SH3RF3: variants seen among roughly 807,000 people sequenced by gnomAD.
The protein encoded by SH3RF3 is SH3 domain containing ring finger 3.
SH3RF3 carries 29 observed loss-of-function variants against 66.3 expected under a neutral mutation model. The ratio of observed to expected loss-of-function variants is 0.44; its 90% confidence interval spans 0.33 to 0.60. The LOEUF (loss-of-function observed/expected upper bound fraction) is 0.60. SH3RF3 is among the 20% of genes least tolerant of loss of function. SH3RF3 has a pLI of 0.04. For missense variants in SH3RF3, 1,194 were observed against 1,190.9 expected, an observed-to-expected ratio of 1.00 and a Z score of -0.04; for synonymous variants, 583 against 532.0, an observed-to-expected ratio of 1.10 and a Z score of -1.32.
chr2:109,491,624 C>G (rs555577383), intron 9 of SH3RF3, among the ~76,000 whole-genome samples: 19 of 152,272 alleles, frequency 1.2e-4, no homozygotes, highest in African/African-American at 4.6e-4. Flanking sequence ...GGGCTAGAGG[C>G]GTACCTGGCT....
intron 1 of SH3RF3, among the ~76,000 whole-genome samples, chr2:109,289,624 G>T (rs532827460): frequency 3.3e-5 from 5 of 152,312 alleles, no homozygotes; most frequent in African/African-American, 1.2e-4. Flanking sequence ...GAGACATCAC[G>T]TGGAAAGCTA....
chr2:109,155,574 T>C (rs1486705227), intron 1 of SH3RF3, among the ~76,000 whole-genome samples: 1 of 152,206 alleles, frequency 6.6e-6, no homozygotes, highest in African/African-American at 2.4e-5. Flanking sequence ...GTGCTGGGAT[T>C]ACAGGCCTGA....
chr2:109,454,270 A>G (rs543330874), intron 8 of SH3RF3, among the ~76,000 whole-genome samples: 2 of 152,304 alleles, frequency 1.3e-5, no homozygotes, highest in African/African-American at 2.4e-5. Context: ...TTTGTCTACT[A>G]TCCAATCTGT....
At chr2:109,384,941 C>A (rs763038361) in intron 3 of SH3RF3, among the ~76,000 whole-genome samples, 1 of 152,216 alleles carries the variant, frequency 6.6e-6, no homozygotes, top group Non-Finnish European at 1.5e-5. Context: ...TGCTTAAAGC[C>A]ACCAGTGGGG....
At chr2:109,161,244 A>T (rs1345581079) in intron 1 of SH3RF3, among the ~76,000 whole-genome samples, 2 of 152,188 alleles carry the variant, frequency 1.3e-5, no homozygotes, top group South Asian at 4.1e-4. Context: ...TAAGTCAGGC[A>T]CGAGTATGCA....
chr2:109,227,624 G>T (rs1385952515), intron 1 of SH3RF3, among the ~76,000 whole-genome samples: 1 of 152,176 alleles, frequency 6.6e-6, no homozygotes, highest in Non-Finnish European at 1.5e-5. Context: ...CCTGGATCTG[G>T]CCTGGCCATG....
chr2:109,206,090 C>T (rs904882035), intron 1 of SH3RF3, among the ~76,000 whole-genome samples: 1 of 152,110 alleles, frequency 6.6e-6, no homozygotes, highest in African/African-American at 2.4e-5. Context: ...ATGACCTGCA[C>T]GTGAATGGAT....
intron 1 of SH3RF3, among the ~76,000 whole-genome samples, chr2:109,198,026 T>C (rs1425690259): frequency 6.6e-6 from 1 of 152,090 alleles, no homozygotes; most frequent in East Asian, 1.9e-4. Flanking sequence ...AGCGGCAGGT[T>C]TCCAGCAGAG....
chr2:109,129,994 G>T lies in SH3RF3; in HGVS notation c.454G>T (p.Gly152Cys). 1 of 1,294,294 alleles carries T rather than the reference G, an allele frequency of 7.7e-7. No individual in the cohort carries two copies. Among genetic ancestry groups the T allele is most frequent in the South Asian group, 2.4e-5 (1 of 41,236 alleles). 80.2% of individuals were successfully genotyped at this position (1,294,294 alleles called of 1,614,324 possible). ...GAGTGCGGCCCCCACGCTCGCGGGC[G>T]GCGGGGGCGGCGCGGCAGGCAGCAC... is the stretch of plus-strand genomic sequence containing the variant. ...GQSAAPTLAG[G>C]GGGAAGSTPG... The change falls in exon 1 of 10, where the codon GGC becomes TGC. Residue 152 changes from glycine (G) to cysteine (C), a missense_variant. Physicochemically the swap from Gly to Cys is radical, Grantham distance 159 (BLOSUM62 -3). Transcript: ENST00000309415.
At chr2:109,150,263 C>T (rs1303130127) in intron 1 of SH3RF3, among the ~76,000 whole-genome samples, 2 of 151,878 alleles carry the variant, frequency 1.3e-5, no homozygotes, top group Non-Finnish European at 2.9e-5. Flanking sequence ...AGCATGGAAG[C>T]CTAGGGTCCT....
intron 6 of SH3RF3, among the ~76,000 whole-genome samples, chr2:109,434,545 C>G (rs891272360): frequency 6.6e-6 from 1 of 152,254 alleles, no homozygotes; most frequent in Non-Finnish European, 1.5e-5. Flanking sequence ...CCCACCCCCA[C>G]AACACTGGAC....
Position 109,129,352 on chromosome 2 carries a change from TCCCC to T in SH3RF3, c.-188_-185del, listed in dbSNP as rs1558914716. 1.6e-5 allele frequency: 14 copies of T among 871,124 alleles called. No individual in the cohort carries two copies. In the African/African-American group the frequency reaches 1.9e-4, roughly 12 times the overall value. The allele number at this position is 871,124 out of a possible 1,614,324, so 54.0% of individuals were successfully genotyped here. ...GGCCGGTCCCCGCCACGCAGGCCGG[TCCCC>T]GCCACGCAGGCCGGTCGGTGAGCCA... On this transcript the variant is annotated 5_prime_UTR_variant, in exon 1 of 10. Transcript: ENST00000309415.
intron 7 of SH3RF3, among the ~76,000 whole-genome samples, chr2:109,448,417 G>A (rs963740637): frequency 6.6e-6 from 1 of 152,162 alleles, no homozygotes; most frequent in African/African-American, 2.4e-5. Flanking sequence ...TGGTGGGTGA[G>A]CAAGGAAAAC....
chr2:109,415,484 T>C (rs1197328993), intron 4 of SH3RF3, among the ~76,000 whole-genome samples: 1 of 152,084 alleles, frequency 6.6e-6, no homozygotes, highest in Admixed American at 6.5e-5. Context: ...GCGGCTGCTA[T>C]TCCTACTAAC....
At position 109,449,374 on chromosome 2, in the gene SH3RF3, C is replaced by G; in HGVS notation, c.2033C>G (p.Pro678Arg). 6.2e-7 allele frequency: 1 copy of G among 1,611,002 alleles called. No homozygotes were observed. Among genetic ancestry groups the G allele is most frequent in the Non-Finnish European group, 8.5e-7 (1 of 1,178,420 alleles). The change falls in exon 8 of 10, where the codon CCC becomes CGC. Residue 678 changes from proline to arginine, a missense_variant. Coordinates refer to ENST00000309415, the MANE Select transcript of SH3RF3 (RefSeq NM_001099289.3). Reference protein sequence around the residue: ...LTSAASAITPPNVSAANLNGE... With the variant: ...LTSAASAITPRNVSAANLNGE... ...TCAGCAGCATCAGCCATCACACCTC[C>G]CAACGTCAGTGCCGCAAACCTCAAC... is the stretch of plus-strand genomic sequence containing the variant.
intron 1 of SH3RF3, among the ~76,000 whole-genome samples, chr2:109,146,389 C>T (rs1677098939): frequency 6.6e-6 from 1 of 152,186 alleles, no homozygotes; most frequent in South Asian, 2.1e-4. Context: ...AATCACTCCT[C>T]TGTATCACTG....
At chr2:109,143,144 A>G (rs891011076) in intron 1 of SH3RF3, among the ~76,000 whole-genome samples, 3 of 152,222 alleles carry the variant, frequency 2.0e-5, no homozygotes, top group Non-Finnish European at 1.5e-5. Flanking sequence ...AACGTTTTAT[A>G]TTAAAGTTTT....
chr2:109,333,420 A>G (rs1337935986), intron 1 of SH3RF3, among the ~76,000 whole-genome samples: 1 of 152,244 alleles, frequency 6.6e-6, no homozygotes, highest in Non-Finnish European at 1.5e-5. Context: ...AAAAACACAA[A>G]ATAAAACAAG....
chr2:109,243,985 CA>C (rs760092230), intron 1 of SH3RF3, among the ~76,000 whole-genome samples: 2 of 152,180 alleles, frequency 1.3e-5, no homozygotes, highest in Non-Finnish European at 2.9e-5. Flanking sequence ...CTGCCCAGCT[CA>C]TGTGCTCATA....
Sources: allele counts gnomAD v4.1 joint callset (sites outside exome capture counted in the v4.1 genomes callset), GRCh38; gene constraint gnomAD v4.1.1; transcripts MANE v1.5; gene names NCBI Gene and HGNC (gene_info 2026-07-23, HGNC 2026-07-21).